The following THOC5 variants were observed in gnomAD, a reference collection of about 807,000 sequenced individuals.
THOC5 encodes the protein Fms-interacting protein.
A neutral mutation model predicts 92.9 loss-of-function variants in THOC5; 43 were observed. The ratio of observed to expected loss-of-function variants is 0.46; its 90% CI spans 0.36 to 0.60. THOC5 has a LOEUF of 0.60. Among genes scored for constraint, THOC5 ranks in the 20% least tolerant of loss-of-function variants. The probability of loss-of-function intolerance (pLI) is 0.00; values close to 1 mark genes in which losing one functional copy is unlikely to be tolerated. For synonymous variants in THOC5, 296 were observed against 320.1 expected (o/e 0.92, Z 0.80); for missense variants, 659 against 849.4 (o/e 0.78, Z 2.79).
At chr22:29,519,924 G>A (rs1016650738) in intron 14 of THOC5, 84 bp downstream of exon 14, 34 of 1,134,242 alleles carry the variant, frequency 3.0e-5, no homozygotes, top group African/African-American at 2.3e-4. Flanking sequence ...ATGAGCCACC[G>A]CACCTGGCCT....
At chr22:29,526,393 G>A (rs978375719) in intron 11 of THOC5, among the ~76,000 whole-genome samples, 28 of 152,066 alleles carry the variant, frequency 1.8e-4, no homozygotes, top group African/African-American at 5.8e-4. Flanking sequence ...TCAGTCGGGC[G>A]TGGTGGCGGG....
chr22:29,550,310 C>A (rs1822826062), intron 1 of THOC5, among the ~76,000 whole-genome samples: 4 of 151,938 alleles, frequency 2.6e-5, no homozygotes, highest in Middle Eastern at 3.4e-3. Flanking sequence ...CATACTGGTG[C>A]TCTTAACTAC....
In THOC5 at chr22:29,511,211, C is replaced by T. The variant is rs150527574; in HGVS notation, c.1883G>A (p.Arg628Gln). The T allele has an allele frequency of 5.1e-5, 82 of 1,614,246 alleles. No individual in the cohort carries two copies. Among genetic ancestry groups the T allele is most frequent in the Middle Eastern group, 3.3e-4 (2 of 6,062 alleles). ...GTAAACATCCAGCAGCACACACAGC[C>T]GCTGCAGCTGGTTGGTCAACAGCTG... is the stretch of plus-strand genomic sequence containing the variant. ...SHQLLTNQLQ[R>Q]LCVLLDVYLE... Residue 628 changes from arginine (R) to glutamine (Q), a missense_variant, in exon 19 of 20, where the codon CGG (arginine) becomes CAG (glutamine). Transcript: ENST00000490103.
chr22:29,519,848 G>A (rs2063405191), intron 14 of THOC5, among the ~76,000 whole-genome samples, 160 bp downstream of exon 14: 2 of 151,940 alleles, frequency 1.3e-5, no homozygotes, highest in Admixed American at 6.6e-5. Flanking sequence ...TGGCCAGGCT[G>A]GTCTCAAACT....
rs370209889 is a variant in THOC5 at position 29,514,563 on chromosome 22, G to A, written c.1682-2427C>T. ...CATCTCCTGACCTCGTGATCCGCCC[G>A]CCTCGGCTTCCCAAAGTGCTGGGAT... On this transcript the variant is annotated intron_variant, in intron 17 of 19. Transcript: ENST00000490103. Among the ~76,000 whole-genome samples the A allele has an allele frequency of 1.1e-4, 17 of 151,468 alleles. 1 individual carries two copies. Among genetic ancestry groups the A allele is most frequent in the Admixed American group, 7.2e-4 (11 of 15,200 alleles).
rs1226658879 is a variant in THOC5 at position 29,539,461 on chromosome 22, T to G, written c.468A>C (p.Glu156Asp). 1 of 1,613,442 alleles carries G rather than the reference T, an allele frequency of 6.2e-7. No individual in the cohort carries two copies. The highest frequency in any genetic ancestry group is 1.1e-5 in the South Asian group (1 of 91,052). Residue 156 changes from glutamate (E) to aspartate (D), a missense_variant, in exon 6 of 20, where the codon GAA (glutamate) becomes GAC (aspartate). Coordinates refer to ENST00000490103, the MANE Select transcript of THOC5 (RefSeq NM_003678.5). ...ACTCCTCTAAACTGACCAGATCAAT[T>G]TCTTCATGCTTTGACCTACAGACAA... ...KCLEFKSKHE[E>D]IDLVSLEEFY...
At chr22:29,514,559 G>T (rs1056411003) in intron 17 of THOC5, among the ~76,000 whole-genome samples, 1 of 150,922 alleles carries the variant, frequency 6.6e-6, no homozygotes, top group Non-Finnish European at 1.5e-5. Context: ...CTCGTGATCC[G>T]CCCGCCTCGG....
At chr22:29,528,493 G>C (rs1157093231) in intron 9 of THOC5, 27 bp from the exon 10 acceptor site, 1 of 1,603,282 alleles carries the variant, frequency 6.2e-7, no homozygotes, top group Non-Finnish European at 8.5e-7. Flanking sequence ...AAGGCAGCTA[G>C]AGGTGAGGGG....
chr22:29,531,774 C>A, intron 8 of THOC5, 57 bp downstream of exon 8: 1 of 1,578,698 alleles, frequency 6.3e-7, no homozygotes. Flanking sequence ...AACTGATTCA[C>A]TCGGCCACAG....
chr22:29,538,659 T>C (rs1182847920), intron 6 of THOC5, among the ~76,000 whole-genome samples: 1 of 151,540 alleles, frequency 6.6e-6, no homozygotes, highest in East Asian at 1.9e-4. Flanking sequence ...TAGCCAGGCA[T>C]GGTGGCAGGC....
At chr22:29,543,371 A>C (rs2063940838) in intron 4 of THOC5, 58 bp downstream of exon 4, 2 of 1,126,684 alleles carry the variant, frequency 1.8e-6, no homozygotes, top group South Asian at 2.9e-5. Context: ...AAAAAAAAAA[A>C]AGAAGGGGAT....
At chr22:29,536,986 G>A (rs2063773075) in intron 6 of THOC5, among the ~76,000 whole-genome samples, 2 of 152,260 alleles carry the variant, frequency 1.3e-5, no homozygotes, top group Non-Finnish European at 2.9e-5. Flanking sequence ...CAGGCAAGTA[G>A]ATAACTTGCC....
rs1441651279 is a variant in THOC5, at chr22:29,528,461, C to T, written c.931G>A (p.Glu311Lys). The T allele has an allele frequency of 1.9e-6, 3 of 1,613,186 alleles. No homozygotes were observed. Among genetic ancestry groups the T allele is most frequent in the East Asian group, 2.2e-5 (1 of 44,886 alleles). ...TCCTCCTCGGCATCTGAGTCACTCTCGTCATCTGCAGCCACAGAGAGAAGG... is the reference window on the plus strand; with the variant it reads ...TCCTCCTCGGCATCTGAGTCACTCTTGTCATCTGCAGCCACAGAGAGAAGG... ...FKPPEDSQDD[E>K]SDSDAEEEQT... Residue 311 changes from glutamate to lysine, a missense_variant, in exon 10 of 20, where the codon GAG (glutamate) becomes AAG (lysine). Coordinates refer to ENST00000490103, the MANE Select transcript of THOC5 (RefSeq NM_003678.5).
chr22:29,551,217 TGAG>T (rs892338136), intron 1 of THOC5, among the ~76,000 whole-genome samples: 11 of 152,054 alleles, frequency 7.2e-5, no homozygotes, highest in Non-Finnish European at 1.2e-4. Flanking sequence ...GTGGATCACC[TGAG>T]GTCAGGAGTT....
At chr22:29,519,931 G>C in intron 14 of THOC5, 77 bp downstream of exon 14, 1 of 1,249,904 alleles carries the variant, frequency 8.0e-7, no homozygotes, top group South Asian at 1.4e-5. Flanking sequence ...ACCGCACCTG[G>C]CCTGGCCTTT....
chr22:29,539,501 G>C (rs533658701), intron 5 of THOC5, 25 bp from the exon 6 acceptor site: 1 of 1,604,966 alleles, frequency 6.2e-7, no homozygotes, highest in South Asian at 1.1e-5. Flanking sequence ...ATGACATCAA[G>C]CTGCTGTTCT....
intron 1 of THOC5, 33 bp from the exon 2 acceptor site, chr22:29,549,191 T>C: frequency 6.3e-7 from 1 of 1,594,714 alleles, no homozygotes; most frequent in South Asian, 1.1e-5. Flanking sequence ...GAGATTCTTC[T>C]GGAGTCATAA....
At chr22:29,530,316 C>T (rs137915561) in intron 8 of THOC5, among the ~76,000 whole-genome samples, 116 of 148,122 alleles carry the variant, frequency 7.8e-4, no homozygotes, top group Middle Eastern at 4.1e-3. Flanking sequence ...ATCAGGAGTT[C>T]GAGACCAGCC....
intron 5 of THOC5, 30 bp from the exon 6 acceptor site, chr22:29,539,506 T>C: frequency 6.2e-7 from 1 of 1,602,562 alleles, no homozygotes; most frequent in East Asian, 2.2e-5. Context: ...ATCAAGCTGC[T>C]GTTCTCAGGA....
Sources: allele counts gnomAD v4.1 joint callset (sites outside exome capture counted in the v4.1 genomes callset), GRCh38; gene constraint gnomAD v4.1.1; transcripts MANE v1.5; gene names NCBI Gene and HGNC (gene_info 2026-07-23, HGNC 2026-07-21).